Variants in GPX8 observed in about 807,000 individuals in gnomAD.
GPX8 encodes glutathione peroxidase 8 (putative).
In GPX8, 12 loss-of-function variants were observed where a neutral mutation model predicts 17.8. The observed-to-expected ratio is 0.67, with a 90% CI of 0.43 to 1.09. GPX8 has a LOEUF of 1.09. Ranked by LOEUF, GPX8 falls within the 50% of genes least tolerant of loss-of-function variation. The pLI is 0.00. For missense variants in GPX8, 209 were observed against 235.6 expected (o/e 0.89, Z 0.74); for synonymous variants, 86 against 88.1 (o/e 0.98, Z 0.14).
In GPX8 at chr5:55,160,342, T is replaced by C. The variant is rs200586286; in HGVS notation, c.150T>C (p.Phe50=). Residue 50 remains phenylalanine, a synonymous_variant, in exon 1 of 3, where the codon TTT becomes TTC. Transcript: ENST00000503787. Reference sequence around the variant, plus strand: ...CTAAAATCAACAGCTTTTATGCCTTTGAAGTGAAGGATGCAAAAGGAAGAA... The same window carrying C: ...CTAAAATCAACAGCTTTTATGCCTTCGAAGTGAAGGATGCAAAAGGAAGAA... The part of the protein sequence containing the change: ...LKPKINSFYA[F]EVKDAKGRTV... The C allele has an allele frequency of 7.3e-5, 118 of 1,613,710 alleles. No individual in the cohort carries two copies. In the East Asian group the frequency reaches 1.9e-3, roughly 26 times the overall value.
intron 1 of GPX8, 97 bp from the exon 2 acceptor site, chr5:55,160,897 T>C (rs1339862982): frequency 3.2e-6 from 4 of 1,255,486 alleles, no homozygotes; most frequent in African/African-American, 3.0e-5. Context: ...TCAGAGGTTA[T>C]AGTCCCCCCC....
intron 2 of GPX8, among the ~76,000 whole-genome samples, chr5:55,163,291 A>T (rs1339554746): frequency 6.6e-6 from 1 of 152,028 alleles, no homozygotes; most frequent in East Asian, 1.9e-4. Flanking sequence ...AGGCCAAGAC[A>T]GGAGGATCAC....
intron 1 of GPX8, 165 bp downstream of exon 1, chr5:55,160,561 CT>C: frequency 1.7e-6 from 1 of 573,478 alleles, no homozygotes; most frequent in Non-Finnish European, 3.0e-6. Flanking sequence ...TGATAGTTTG[CT>C]TCTAAATAAT....
chr5:55,160,664 GTGAACATGATGACATTTATTAATAAAAGT>G (rs1419138674), intron 1 of GPX8: 2 of 474,494 alleles, frequency 4.2e-6, no homozygotes, highest in African/African-American at 4.0e-5. Context: ...AGTTAGTAAT[GTGAACATGATGACATTTATTAATAAAAGT>G]ATTGGTTCTA....
chr5:55,164,120 G>A lies in GPX8; in HGVS notation c.532G>A (p.Val178Met). 2 of 1,607,222 alleles carry A rather than the reference G, an allele frequency of 1.2e-6. No individual in the cohort carries two copies. Among genetic ancestry groups the A allele is most frequent in the Non-Finnish European group, 8.5e-7 (1 of 1,175,224 alleles). ...KYLVNPEGQVVKFWKPEEPIE... is the reference protein window; with the variant it reads ...KYLVNPEGQVMKFWKPEEPIE... ...TCTTGTCAACCCTGAGGGTCAAGTT[G>A]TGAAGTTCTGGAAGCCAGAGGAGCC... is the stretch of plus-strand genomic sequence containing the variant. The change falls in exon 3 of 3, where the codon GTG becomes ATG. Residue 178 changes from valine (V) to methionine (M), a missense_variant. Coordinates refer to ENST00000503787, the MANE Select transcript of GPX8 (RefSeq NM_001008397.4).
At chr5:55,162,109 A>C (rs2111565076) in intron 2 of GPX8, among the ~76,000 whole-genome samples, 1 of 151,582 alleles carries the variant, frequency 6.6e-6, no homozygotes. Flanking sequence ...AAAAAAAAAA[A>C]AAAAGGCCGG....
rs370409177 is a variant in GPX8 at position 55,160,236 on chromosome 5, G to T, written c.44G>T (p.Arg15Ile). ...TACCCGCTAAAATGTTCCGGGCCCA[G>T]AGCAAAGGTATTTGCAGTTTTGCTG... is the stretch of plus-strand genomic sequence containing the variant. Reference protein sequence around the residue: ...AAYPLKCSGPRAKVFAVLLSI... With the variant: ...AAYPLKCSGPIAKVFAVLLSI... Residue 15 changes from arginine (R) to isoleucine (I), a missense_variant, in exon 1 of 3, where the codon AGA becomes ATA. By Grantham distance (97) the Arg-to-Ile change is moderately conservative. Transcript: ENST00000503787. The T allele has an allele frequency of 1.9e-6, 3 of 1,614,020 alleles. No homozygotes were observed. Among genetic ancestry groups the T allele is most frequent in the African/African-American group, 1.3e-5 (1 of 74,922 alleles).
rs1256578833 is a variant in GPX8 at position 55,167,251 on chromosome 5, T to TAA, written c.*3034_*3035dup. 6.6e-6 allele frequency among the ~76,000 whole-genome samples: 1 copy of TAA among 152,222 alleles called. No homozygotes were observed. Among genetic ancestry groups the TAA allele is most frequent in the African/African-American group, 2.4e-5 (1 of 41,456 alleles). On this transcript the variant is annotated 3_prime_UTR_variant, in exon 3 of 3. Transcript: ENST00000503787. ...ACTCCTGATCATCTTACAGCAGACATAACAACAGAGTGTTAGAGACTGGAA... is the reference window on the plus strand; with the variant it reads ...ACTCCTGATCATCTTACAGCAGACATAAAACAACAGAGTGTTAGAGACTGGAA...
intron 2 of GPX8, among the ~76,000 whole-genome samples, chr5:55,162,046 A>G (rs1029503128): frequency 2.0e-5 from 3 of 147,750 alleles, no homozygotes; most frequent in Non-Finnish European, 4.4e-5. Flanking sequence ...AAGTACTTAT[A>G]CACTGCTTGC....
chr5:55,163,708 G>A (rs544628719), intron 2 of GPX8, among the ~76,000 whole-genome samples: 56 of 150,972 alleles, frequency 3.7e-4, no homozygotes, highest in African/African-American at 1.3e-3. Context: ...GGGTTTCACC[G>A]TGTTGGGCAG....
In GPX8 at chr5:55,160,171, C is replaced by T. The variant is rs1405178831; in HGVS notation, c.-22C>T. On this transcript the variant is annotated 5_prime_UTR_variant, in exon 1 of 3. Transcript: ENST00000503787. Reference sequence around the variant, plus strand: ...CTCCTTGAATTCCAGGCTGCTGAGACTTCCCTCTAGAATCCTCCAACATGG... The same window carrying T: ...CTCCTTGAATTCCAGGCTGCTGAGATTTCCCTCTAGAATCCTCCAACATGG... The T allele has an allele frequency of 1.3e-6, 2 of 1,592,278 alleles. No individual in the cohort carries two copies. Among genetic ancestry groups the T allele is most frequent in the South Asian group, 2.2e-5 (2 of 90,456 alleles).
At position 55,166,047 on chromosome 5, in the gene GPX8, G is replaced by T. The variant is rs1744365458; in HGVS notation, c.*1829G>T. 6.6e-6 allele frequency: 1 copy of T among 152,220 alleles called. No homozygotes were observed. The highest frequency in any genetic ancestry group is 2.1e-4 in the South Asian group (1 of 4,832). The allele number at this position is 152,220 out of a possible 1,614,324, so 9.4% of individuals were successfully genotyped here. On this transcript the variant is annotated 3_prime_UTR_variant, in exon 3 of 3. Transcript: ENST00000503787. ...CCTCTAAGAAAACTTATGCTCAGGT[G>T]GCCCCTCCAAGTGTTGGTGCCAGAG...
chr5:55,162,811 C>T (rs1744152515), intron 2 of GPX8, among the ~76,000 whole-genome samples: 1 of 152,198 alleles, frequency 6.6e-6, no homozygotes, highest in South Asian at 2.1e-4. Flanking sequence ...CTTCTAAAAC[C>T]CTTCTTAGCC....
chr5:55,161,624 A>G (rs373225098), intron 2 of GPX8, among the ~76,000 whole-genome samples: 2 of 152,226 alleles, frequency 1.3e-5, no homozygotes, highest in East Asian at 1.9e-4. Context: ...GCTCTCATGA[A>G]TAGTGCTGGG....
chr5:55,160,465 T>TGG (rs1397380624), intron 1 of GPX8, 69 bp downstream of exon 1: 18 of 1,311,440 alleles, frequency 1.4e-5, no homozygotes, highest in Admixed American at 1.9e-5. Flanking sequence ...CTTAATAAAA[T>TGG]CAATTTTTTG....
rs1744340360 is a variant in GPX8 at position 55,165,618 on chromosome 5, G to A, written c.*1400G>A. The A allele has an allele frequency of 6.6e-6, 1 of 152,184 alleles. No individual in the cohort carries two copies. Among genetic ancestry groups the A allele is most frequent in the Non-Finnish European group, 1.5e-5 (1 of 68,030 alleles). 9.4% of individuals were successfully genotyped at this position (152,184 alleles called of 1,614,324 possible). On this transcript the variant is annotated 3_prime_UTR_variant, in exon 3 of 3. Coordinates refer to ENST00000503787, the MANE Select transcript of GPX8 (RefSeq NM_001008397.4). ...ATTTCATGAAGCATCTTCTGCTTCA[G>A]AGTCCATATCCAGCCACCCAGCTAT...
rs1347378226 is a variant in GPX8 at position 55,166,503 on chromosome 5, G to A, written c.*2285G>A. The A allele has an allele frequency of 1.3e-5, 2 of 152,154 alleles. No individual in the cohort carries two copies. The highest frequency in any genetic ancestry group is 4.8e-5 in the African/African-American group (2 of 41,424). 9.4% of individuals were successfully genotyped at this position (152,154 alleles called of 1,614,324 possible). On this transcript the variant is annotated 3_prime_UTR_variant, in exon 3 of 3. Coordinates refer to ENST00000503787, the MANE Select transcript of GPX8 (RefSeq NM_001008397.4). ...AGAAAGGACATTCAGGTGTCCCTTC[G>A]GGGTTCTGTAACAATTAGGCTATGT...
intron 2 of GPX8, among the ~76,000 whole-genome samples, chr5:55,162,891 A>T (rs1051880368): frequency 6.6e-6 from 1 of 152,228 alleles, no homozygotes; most frequent in African/African-American, 2.4e-5. Flanking sequence ...ATAGAGCCCA[A>T]AGGTTAAGAG....
chr5:55,162,360 A>G (rs1215654437), intron 2 of GPX8, among the ~76,000 whole-genome samples: 1 of 152,176 alleles, frequency 6.6e-6, no homozygotes, highest in Non-Finnish European at 1.5e-5. Context: ...GCGCTACTGC[A>G]CTCCAGCCTG....
Sources: allele counts gnomAD v4.1 joint callset (sites outside exome capture counted in the v4.1 genomes callset), GRCh38; gene constraint gnomAD v4.1.1; transcripts MANE v1.5; gene names NCBI Gene and HGNC (gene_info 2026-07-23, HGNC 2026-07-21).